TAAR5: variants seen among roughly 807,000 people sequenced by gnomAD.
The protein encoded by TAAR5 is trace amine associated receptor 5.
In TAAR5, 27 loss-of-function variants were observed where a neutral mutation model predicts 21.1. The ratio of observed to expected loss-of-function variants is 1.28; its 90% CI spans 0.94 to 1.76. The LOEUF (loss-of-function observed/expected upper bound fraction) is 1.76, where lower values mean the gene tolerates loss of function less well. Among genes scored for constraint, TAAR5 ranks in the 40% most tolerant of loss-of-function variants. The pLI is 0.00. For missense variants in TAAR5, 495 were observed against 405.6 expected (o/e 1.22, Z -1.89); for synonymous variants, 203 against 167.5 (o/e 1.21, Z -1.64).
the TAAR5 span, among the ~76,000 whole-genome samples, chr6:132,605,088 A>G: frequency 4.6e-5 from 7 of 152,220 alleles, no homozygotes; most frequent in Non-Finnish European, 8.8e-5. Flanking sequence ...GTGCTTCCCA[A>G]TGGTAAACTG....
the TAAR5 span, among the ~76,000 whole-genome samples, chr6:132,614,129 A>T: frequency 6.6e-6 from 1 of 152,242 alleles, no homozygotes; most frequent in Non-Finnish European, 1.5e-5. Context: ...TCTCATTTGA[A>T]CACAAATTTG....
At chr6:132,611,120 C>T in the TAAR5 span, among the ~76,000 whole-genome samples, 4 of 151,620 alleles carry the variant, frequency 2.6e-5, no homozygotes, top group Non-Finnish European at 5.9e-5. Flanking sequence ...TCTGCAACAG[C>T]ATGAGTGGAA....
the TAAR5 span, among the ~76,000 whole-genome samples, chr6:132,604,194 A>T: frequency 7.0e-6 from 1 of 141,906 alleles, no homozygotes; most frequent in Non-Finnish European, 1.5e-5. Context: ...GCCAGGCTAG[A>T]GTACAGTGGC....
Position 132,589,369 on chromosome 6 carries a change from G to A in TAAR5, c.318C>T (p.Leu106=), listed in dbSNP as rs1432823401. 26 of 1,614,004 alleles carry A rather than the reference G, an allele frequency of 1.6e-5. No homozygotes were observed. Among genetic ancestry groups the A allele is most frequent in the Non-Finnish European group, 2.2e-5 (26 of 1,180,006 alleles). ...VESCWFFGDF[L]CRLHTYLDTL... ...TGTCCAGGTAGGTGTGCAGGCGGCA[G>A]AGGAAGTCCCCGAAGAACCAGCAGC... is the stretch of plus-strand genomic sequence containing the variant. Residue 106 remains leucine (L), a synonymous_variant, in exon 1 of 1, where the codon CTC becomes CTT. Coordinates refer to ENST00000258034, the MANE Select transcript of TAAR5 (RefSeq NM_003967.3).
Position 132,589,387 on chromosome 6 carries a change from CCAG to C in TAAR5, c.297_299del (p.Cys99del). On this transcript the variant is annotated inframe_deletion, in exon 1 of 1. Transcript: ENST00000258034. Reference sequence around the variant, plus strand: ...GGCGGCAGAGGAAGTCCCCGAAGAACCAGCAGCTCTCCACTGAGCGAATGGTGC... The same window carrying C: ...GGCGGCAGAGGAAGTCCCCGAAGAACCAGCTCTCCACTGAGCGAATGGTGC... The C allele has an allele frequency of 6.2e-7, 1 of 1,614,034 alleles. No individual in the cohort carries two copies. The highest frequency in any genetic ancestry group is 8.5e-7 in the Non-Finnish European group (1 of 1,179,944).
chr6:132,601,125 G>T, the TAAR5 span, among the ~76,000 whole-genome samples: 1 of 148,268 alleles, frequency 6.7e-6, no homozygotes, highest in Admixed American at 6.7e-5. Flanking sequence ...AGGAGGGAAG[G>T]AGGGAAAGAA....
At chr6:132,609,157 T>C in the TAAR5 span, 1 of 389,526 alleles carries the variant, frequency 2.6e-6, no homozygotes, top group Non-Finnish European at 5.1e-6. Context: ...TAATCATGGC[T>C]CCAGTCATAA....
At chr6:132,596,220 T>C in the TAAR5 span, among the ~76,000 whole-genome samples, 1 of 152,234 alleles carries the variant, frequency 6.6e-6, no homozygotes, top group Non-Finnish European at 1.5e-5. Context: ...CTTATATTCG[T>C]AACAAATGTG....
chr6:132,610,402 AG>A, the TAAR5 span, among the ~76,000 whole-genome samples: 2 of 152,130 alleles, frequency 1.3e-5, no homozygotes, highest in South Asian at 2.1e-4. Context: ...ACTCAACTGC[AG>A]GGTACATTTA....
chr6:132,611,326 C>T, the TAAR5 span, among the ~76,000 whole-genome samples: 1 of 145,852 alleles, frequency 6.9e-6, no homozygotes, highest in South Asian at 2.2e-4. Context: ...TTAATAGGTA[C>T]AAAAATACAG....
chr6:132,602,614 A>G, the TAAR5 span, among the ~76,000 whole-genome samples: 2 of 152,088 alleles, frequency 1.3e-5, no homozygotes, highest in African/African-American at 4.8e-5. Flanking sequence ...TCAGTTCCTA[A>G]CAGTCCAAGG....
At chr6:132,608,742 A>T in the TAAR5 span, 2 of 455,994 alleles carry the variant, frequency 4.4e-6, no homozygotes, top group Non-Finnish European at 4.4e-6. Flanking sequence ...CAAGTATCTT[A>T]TAGCTCTGCA....
the TAAR5 span, among the ~76,000 whole-genome samples, chr6:132,601,147 G>GGGAAGGAAGGAA: frequency 8.4e-6 from 1 of 118,558 alleles, no homozygotes; most frequent in African/African-American, 3.7e-5. Context: ...GAAGGAAGGA[G>GGGAAGGAAGGAA]GGAAGGAGGG....
upstream of TAAR5, chr6:132,589,742 CAAAAAAAAAAAAAAAAAAAAA>C (rs567338856): frequency 3.9e-4 from 22 of 56,460 alleles, no homozygotes; most frequent in Middle Eastern, 5.2e-3. Flanking sequence ...CACTGGAGGG[CAAAAAAAAAAAAAAAAAAAAA>C]AAAAAAAAAA....
upstream of TAAR5, among the ~76,000 whole-genome samples, chr6:132,591,037 A>C (rs1470377677): frequency 6.6e-6 from 1 of 152,168 alleles, no homozygotes; most frequent in African/African-American, 2.4e-5. Flanking sequence ...TTTGAGCACT[A>C]TATTTTGTGA....
chr6:132,606,502 C>T, the TAAR5 span, among the ~76,000 whole-genome samples: 1 of 152,264 alleles, frequency 6.6e-6, no homozygotes, highest in African/African-American at 2.4e-5. Flanking sequence ...GTTCTTCTCA[C>T]CTTAATGTCC....
chr6:132,595,338 G>A, the TAAR5 span: 3 of 152,602 alleles, frequency 2.0e-5, no homozygotes, highest in East Asian at 5.8e-4. Context: ...ACATGGCCCA[G>A]ACACTCAGCA....
At chr6:132,606,640 T>C in the TAAR5 span, among the ~76,000 whole-genome samples, 1 of 152,208 alleles carries the variant, frequency 6.6e-6, no homozygotes, top group Non-Finnish European at 1.5e-5. Context: ...CAATTACGCA[T>C]TTATTAGGCA....
At chr6:132,595,201 T>A in the TAAR5 span, 1 of 153,384 alleles carries the variant, frequency 6.5e-6, no homozygotes, top group Non-Finnish European at 1.5e-5. Flanking sequence ...CAGCAAAAAG[T>A]CAGTGATGGC....
Sources: gnomAD v4.1 joint callset for allele counts (sites outside exome capture counted in the v4.1 genomes callset) on GRCh38, gnomAD v4.1.1 for gene constraint, MANE v1.5 for transcripts, NCBI Gene and HGNC (gene_info 2026-07-23, HGNC 2026-07-21) for gene names.